Variants in SORCS2 observed in about 807,000 individuals in gnomAD.
SORCS2 encodes VPS10 domain-containing receptor SorCS2.
SORCS2 carries 100 observed loss-of-function variants against 141.6 expected under a neutral mutation model. The ratio of observed to expected loss-of-function variants is 0.71; its 90% CI spans 0.60 to 0.83. The LOEUF is 0.83. Ranked by LOEUF, SORCS2 falls within the 40% of genes least tolerant of loss-of-function variation. The pLI is 0.00. For missense variants in SORCS2, 1,646 were observed against 1,560.2 expected, an observed-to-expected ratio of 1.05 and a Z score of -0.93; for synonymous variants, 789 against 676.9, an observed-to-expected ratio of 1.17 and a Z score of -2.57.
At chr4:7,361,470 G>A (rs1301600542) in intron 1 of SORCS2, among the ~76,000 whole-genome samples, 1 of 152,240 alleles carries the variant, frequency 6.6e-6, no homozygotes, top group African/African-American at 2.4e-5. Context: ...TGGCCTCAGT[G>A]CAGCCGGGAG....
chr4:7,706,271 C>CCTGGGCAGGGATGAGGCTGGGCTCCGT (rs1560498794), intron 14 of SORCS2, among the ~76,000 whole-genome samples: 2 of 92,722 alleles, frequency 2.2e-5, no homozygotes, highest in African/African-American at 8.0e-5. Flanking sequence ...CTGGGCTCCG[C>CCTGGGCAGGGATGAGGCTGGGCTCCGT]CTGGGCAGGG....
chr4:7,615,044 TCCAC>T (rs1718666717), intron 3 of SORCS2, among the ~76,000 whole-genome samples: 1 of 152,122 alleles, frequency 6.6e-6, no homozygotes, highest in African/African-American at 2.4e-5. Flanking sequence ...TATTCATCCA[TCCAC>T]CTATTCACCC....
At chr4:7,412,579 G>A (rs1362672623) in intron 2 of SORCS2, among the ~76,000 whole-genome samples, 1 of 152,096 alleles carries the variant, frequency 6.6e-6, no homozygotes, top group Non-Finnish European at 1.5e-5. Flanking sequence ...GTCGGGTGAT[G>A]ATTTGATTCT....
rs145530208 is a variant in SORCS2 at position 7,270,875 on chromosome 4, C to T, written c.480+77749C>T. Among the ~76,000 whole-genome samples, 1,141 of 152,356 alleles carry T rather than the reference C, an allele frequency of 7.5e-3. 12 individuals are homozygous for T. The highest frequency in any genetic ancestry group is 0.024 in the African/African-American group (1,013 of 41,578). ...TTCCTGGTTAGAAACCCAGCCCCAC[C>T]GAAATGAAACAAGGGGTTGTTTAGG... On this transcript the variant is annotated intron_variant, in intron 1 of 26. Coordinates refer to ENST00000507866, the MANE Select transcript of SORCS2 (RefSeq NM_020777.3).
chr4:7,388,281 C>T (rs1191601164), intron 1 of SORCS2, among the ~76,000 whole-genome samples: 1 of 152,214 alleles, frequency 6.6e-6, no homozygotes, highest in Non-Finnish European at 1.5e-5. Context: ...CAATGACAGA[C>T]TCAGCCTGAA....
chr4:7,704,649 C>G (rs911821118), intron 14 of SORCS2, among the ~76,000 whole-genome samples: 6 of 152,364 alleles, frequency 3.9e-5, no homozygotes, highest in African/African-American at 1.4e-4. Flanking sequence ...TGGCCCTGCC[C>G]GGCTTCCTTC....
intron 1 of SORCS2, among the ~76,000 whole-genome samples, chr4:7,377,280 G>A (rs184069005): frequency 6.6e-6 from 1 of 152,158 alleles, no homozygotes; most frequent in African/African-American, 2.4e-5. Context: ...AAGAAATGCT[G>A]CTGACGAGCA....
Position 7,571,963 on chromosome 4 carries a change from C to T in SORCS2, c.648+40334C>T, listed in dbSNP as rs140357962. Among the ~76,000 whole-genome samples, 28 of 152,270 alleles carry T rather than the reference C, an allele frequency of 1.8e-4. No homozygotes were observed. The East Asian group carries it at 5.4e-3, about 29-fold the overall frequency. On this transcript the variant is annotated intron_variant, in intron 3 of 26. Coordinates refer to ENST00000507866, the MANE Select transcript of SORCS2 (RefSeq NM_020777.3). ...CAAACGTGCCCTACCAGCTGCCTGT[C>T]CTCCAGGCACCAGGCTCCATCCTGG...
At chr4:7,224,513 C>T (rs1728887408) in intron 1 of SORCS2, among the ~76,000 whole-genome samples, 1 of 152,234 alleles carries the variant, frequency 6.6e-6, no homozygotes, top group African/African-American at 2.4e-5. Context: ...CTGCCCACAC[C>T]TGTGACCCAT....
chr4:7,293,563 A>C (rs1716756171), intron 1 of SORCS2, among the ~76,000 whole-genome samples: 1 of 152,076 alleles, frequency 6.6e-6, no homozygotes, highest in African/African-American at 2.4e-5. Flanking sequence ...TCCCTAGGAG[A>C]GATTCCTGGA....
intron 1 of SORCS2, among the ~76,000 whole-genome samples, chr4:7,373,781 C>A (rs1722431525): frequency 6.6e-6 from 1 of 151,928 alleles, no homozygotes; most frequent in African/African-American, 2.4e-5. Context: ...TGTAAGCCAC[C>A]ACACCTGGCC....
chr4:7,740,757 GCCCTC>G lies in SORCS2; in HGVS notation c.*496_*500del, dbSNP rs540063397. ...CCCTCTGTGGGAGCCCGGGTGCCAG[GCCCTC>G]CCAACACCACACCACCCTCCAGGCC... On this transcript the variant is annotated 3_prime_UTR_variant, in exon 27 of 27. Coordinates refer to ENST00000507866, the MANE Select transcript of SORCS2 (RefSeq NM_020777.3). 6.4e-5 allele frequency: 21 copies of G among 330,686 alleles called. No homozygotes were observed. The South Asian group carries it at 2.6e-3, about 41-fold the overall frequency. 20.5% of individuals were successfully genotyped at this position (330,686 alleles called of 1,614,324 possible).
At chr4:7,433,387 A>G in intron 2 of SORCS2, 3 of 1,494,912 alleles carry the variant, frequency 2.0e-6, no homozygotes, top group Non-Finnish European at 1.8e-6. Context: ...AGCGTTGCAC[A>G]GCTTGGCGGC....
intron 3 of SORCS2, among the ~76,000 whole-genome samples, chr4:7,564,191 C>G (rs546735051): frequency 1.3e-5 from 2 of 152,330 alleles, no homozygotes; most frequent in Non-Finnish European, 2.9e-5. Flanking sequence ...TGCTTTTCTA[C>G]TGTCACACAC....
chr4:7,387,612 C>CACAT (rs1553853197), intron 1 of SORCS2, among the ~76,000 whole-genome samples: 1 of 145,088 alleles, frequency 6.9e-6, no homozygotes, highest in African/African-American at 2.7e-5. Flanking sequence ...CGCACATGCA[C>CACAT]ACACATACAC....
At chr4:7,220,957 A>C (rs911932203) in intron 1 of SORCS2, among the ~76,000 whole-genome samples, 2 of 152,254 alleles carry the variant, frequency 1.3e-5, no homozygotes, top group Non-Finnish European at 2.9e-5. Context: ...TTTCAAAACA[A>C]AGTAATGCCC....
chr4:7,419,171 G>C (rs968782961), intron 2 of SORCS2, among the ~76,000 whole-genome samples: 1 of 152,222 alleles, frequency 6.6e-6, no homozygotes. Flanking sequence ...ATGAATTGCA[G>C]CCATTTTTTT....
At chr4:7,388,962 C>T (rs565236132) in intron 1 of SORCS2, among the ~76,000 whole-genome samples, 5 of 152,326 alleles carry the variant, frequency 3.3e-5, no homozygotes, top group South Asian at 2.1e-4. Flanking sequence ...CCATGCACAG[C>T]ACTTCGATGG....
At chr4:7,701,077 AC>A (rs753844494) in intron 12 of SORCS2, among the ~76,000 whole-genome samples, 7 of 151,932 alleles carry the variant, frequency 4.6e-5, no homozygotes, top group Non-Finnish European at 8.8e-5. Flanking sequence ...GGGCAGCAGC[AC>A]CCCCACCAGG....
Sources: gnomAD v4.1 joint callset for allele counts (sites outside exome capture counted in the v4.1 genomes callset) on GRCh38, gnomAD v4.1.1 for gene constraint, MANE v1.5 for transcripts, NCBI Gene and HGNC (gene_info 2026-07-23, HGNC 2026-07-21) for gene names.